JDP2: variants seen among roughly 807,000 people sequenced by gnomAD.
JDP2 encodes progesterone receptor co-activator.
In JDP2, 9 loss-of-function variants were observed where a neutral mutation model predicts 17.1. That is an observed-to-expected ratio of 0.53 (90% CI 0.32 to 0.92). JDP2 has a LOEUF of 0.92. Ranked by LOEUF, JDP2 falls within the 40% of genes least tolerant of loss-of-function variation. The probability of loss-of-function intolerance (pLI) is 0.04; values close to 1 mark genes in which losing one functional copy is unlikely to be tolerated. For missense variants in JDP2, 179 were observed against 220.0 expected (o/e 0.81, Z 1.18); for synonymous variants, 107 against 95.6 (o/e 1.12, Z -0.69).
intron 2 of JDP2, among the ~76,000 whole-genome samples, chr14:75,451,673 G>A (rs545315860): frequency 1.4e-4 from 21 of 152,176 alleles, no homozygotes; most frequent in Non-Finnish European, 2.5e-4. Context: ...CAGAGGATGG[G>A]CAGGTGCAGG....
At chr14:75,434,349 A>C (rs958737539) in intron 1 of JDP2, among the ~76,000 whole-genome samples, 3 of 152,008 alleles carry the variant, frequency 2.0e-5, no homozygotes, top group Non-Finnish European at 4.4e-5. Context: ...GGTGAATATC[A>C]GCTGTTGTGG....
At chr14:75,451,272 G>A (rs1453411396) in intron 2 of JDP2, among the ~76,000 whole-genome samples, 2 of 151,950 alleles carry the variant, frequency 1.3e-5, no homozygotes, top group East Asian at 1.9e-4. Context: ...GGGGACTGGG[G>A]CAGTGGTCAA....
intron 2 of JDP2, among the ~76,000 whole-genome samples, chr14:75,443,205 A>G (rs897193497): frequency 4.6e-5 from 7 of 152,222 alleles, no homozygotes; most frequent in African/African-American, 1.7e-4. Flanking sequence ...GACTTTGTTC[A>G]TAACAGAGAC....
intron 1 of JDP2, among the ~76,000 whole-genome samples, chr14:75,433,055 C>CAT (rs1181525731): frequency 6.6e-6 from 1 of 151,478 alleles, no homozygotes; most frequent in Non-Finnish European, 1.5e-5. Flanking sequence ...ATTAGCCAGG[C>CAT]ATGGTGGCGC....
intron 2 of JDP2, among the ~76,000 whole-genome samples, chr14:75,439,090 G>T (rs564732324): frequency 2.0e-5 from 3 of 152,282 alleles, no homozygotes; most frequent in African/African-American, 4.8e-5. Context: ...GATGAGCCTG[G>T]GGGGAGCTCG....
At chr14:75,454,509 C>A (rs546198513) in intron 2 of JDP2, among the ~76,000 whole-genome samples, 1 of 152,296 alleles carries the variant, frequency 6.6e-6, no homozygotes, top group East Asian at 1.9e-4. Context: ...CCATGCTCAG[C>A]TCTGGTGGCT....
Position 75,461,445 on chromosome 14 carries a change from G to A in JDP2, c.221G>A (p.Arg74Gln), listed in dbSNP as rs928270051. The change falls in exon 3 of 4, where the codon CGA (arginine) becomes CAA (glutamine). Residue 74 changes from arginine to glutamine, a missense_variant. Arg to Gln is a conservative substitution (Grantham distance 43, BLOSUM62 1). Transcript: ENST00000651602. ...VKSELDEEEE[R>Q]RKRRREKNKV... Reference sequence around the variant, plus strand: ...TCACAGCTAGATGAGGAAGAGGAGCGAAGGAAAAGGCGCCGGGAGAAGAAC... The same window carrying A: ...TCACAGCTAGATGAGGAAGAGGAGCAAAGGAAAAGGCGCCGGGAGAAGAAC... The A allele has an allele frequency of 1.8e-5, 29 of 1,608,034 alleles. No homozygotes were observed. Among genetic ancestry groups the A allele is most frequent in the African/African-American group, 5.3e-5 (4 of 74,902 alleles).
chr14:75,437,334 G>A (rs1566735845), intron 1 of JDP2, among the ~76,000 whole-genome samples: 5 of 152,194 alleles, frequency 3.3e-5, no homozygotes, highest in Admixed American at 1.3e-4. Context: ...TACTCAGGGT[G>A]TCTTAACAAA....
intron 2 of JDP2, chr14:75,445,028 C>T: frequency 1.2e-6 from 1 of 847,436 alleles, no homozygotes; most frequent in Non-Finnish European, 1.4e-6. Context: ...AATCTTTTAG[C>T]AGCCTTAAGA....
At chr14:75,440,624 A>G (rs1185482649) in intron 2 of JDP2, among the ~76,000 whole-genome samples, 4 of 152,132 alleles carry the variant, frequency 2.6e-5, no homozygotes, top group African/African-American at 7.2e-5. Flanking sequence ...TTACCCCCAT[A>G]GTAGAGAAGA....
At chr14:75,443,716 T>G (rs1397369994) in intron 2 of JDP2, among the ~76,000 whole-genome samples, 1 of 152,128 alleles carries the variant, frequency 6.6e-6, no homozygotes. Flanking sequence ...AAATCAGAAG[T>G]CGGTCACACC....
chr14:75,472,180 CATGTGTG>C lies in JDP2; in HGVS notation c.*2707_*2713del. 6.6e-6 allele frequency: 1 copy of C among 152,248 alleles called. No individual in the cohort carries two copies. Among genetic ancestry groups the C allele is most frequent in the East Asian group, 1.9e-4 (1 of 5,192 alleles). 9.4% of individuals were successfully genotyped at this position (152,248 alleles called of 1,614,324 possible). On this transcript the variant is annotated 3_prime_UTR_variant, in exon 4 of 4. Transcript: ENST00000651602. ...TTTCTTCTGGGCACCTGCCACTGTG[CATGTGTG>C]ACCTCAACTGCTTTGTGCACCCTGA...
chr14:75,451,002 G>A (rs1022343919), intron 2 of JDP2, among the ~76,000 whole-genome samples: 1 of 152,194 alleles, frequency 6.6e-6, no homozygotes, highest in African/African-American at 2.4e-5. Flanking sequence ...CAAGGGGACA[G>A]CAGGGCAAAG....
Position 75,471,196 on chromosome 14 carries a change from CAG to C in JDP2, c.*1724_*1725del, listed in dbSNP as rs1886802192. ...AGAGTTCCAGGTTGTCCCATGATCACAGAGTGAACCAACTACCCTGGTCAATG... is the reference window on the plus strand; with the variant it reads ...AGAGTTCCAGGTTGTCCCATGATCACAGTGAACCAACTACCCTGGTCAATG... On this transcript the variant is annotated 3_prime_UTR_variant, in exon 4 of 4. Transcript: ENST00000651602. 6.6e-6 allele frequency: 1 copy of C among 152,206 alleles called. No homozygotes were observed. The allele number at this position is 152,206 out of a possible 1,614,324, so 9.4% of individuals were successfully genotyped here.
At chr14:75,461,127 A>G (rs1463594135) in intron 2 of JDP2, among the ~76,000 whole-genome samples, 1 of 152,180 alleles carries the variant, frequency 6.6e-6, no homozygotes, top group East Asian at 1.9e-4. Context: ...TCACCTCTCA[A>G]CACTGTTGCA....
chr14:75,464,527 G>A (rs1018796309), intron 3 of JDP2, among the ~76,000 whole-genome samples: 1 of 152,218 alleles, frequency 6.6e-6, no homozygotes, highest in Non-Finnish European at 1.5e-5. Flanking sequence ...CGGGAGATGT[G>A]TATAGGTGAT....
chr14:75,427,716 CCTG>C, upstream of JDP2: 1 of 152,774 alleles, frequency 6.5e-6, no homozygotes, highest in Non-Finnish European at 1.5e-5. This position sits in a 1 kb window ranked among gnomAD's most constrained non-coding sequence, Gnocchi z 4.4. Context: ...CTCGCCGCGT[CCTG>C]CTTTCTCGAG....
intron 2 of JDP2, among the ~76,000 whole-genome samples, chr14:75,444,724 G>A (rs190684734): frequency 1.3e-5 from 2 of 152,332 alleles, no homozygotes; most frequent in East Asian, 1.9e-4. Flanking sequence ...CTGCAGTGCA[G>A]TATGTCCGTA....
chr14:75,438,193 G>C, intron 2 of JDP2, 72 bp downstream of exon 2: 1 of 1,228,672 alleles, frequency 8.1e-7, no homozygotes, highest in Non-Finnish European at 1.1e-6. Flanking sequence ...TAACCTTGCT[G>C]TTCAAAGTGT....
Sources: allele counts gnomAD v4.1 joint callset (sites outside exome capture counted in the v4.1 genomes callset), GRCh38; gene constraint gnomAD v4.1.1; non-coding constraint Gnocchi (gnomAD v3.1); transcripts MANE v1.5; gene names NCBI Gene and HGNC (gene_info 2026-07-23, HGNC 2026-07-21).